RGS17: variants seen among roughly 807,000 people sequenced by gnomAD.
RGS17 encodes regulator of G-protein signaling 17.
A neutral mutation model predicts 25.5 loss-of-function variants in RGS17; 12 were observed. That is an observed-to-expected ratio of 0.47 (90% CI 0.30 to 0.76). The LOEUF (loss-of-function observed/expected upper bound fraction) is 0.76. RGS17 is among the 30% of genes least tolerant of loss of function. The pLI is 0.07. For missense variants in RGS17, 196 were observed against 242.2 expected (o/e 0.81, Z 1.27); for synonymous variants, 71 against 76.9 (o/e 0.92, Z 0.40).
intron 1 of RGS17, among the ~76,000 whole-genome samples, chr6:153,055,816 G>A (rs902066644): frequency 6.6e-6 from 1 of 152,120 alleles, no homozygotes; most frequent in East Asian, 1.9e-4. Flanking sequence ...AAGAAATGAG[G>A]GGAAATTCTG....
rs1779111677 is a variant in RGS17, at chr6:153,009,633, T to A, written c.*1941A>T. ...CTAACACTTTCAGAAAACACAGGCATTTGTTAAAAGAAATGATTATTATAA... is the reference window on the plus strand; with the variant it reads ...CTAACACTTTCAGAAAACACAGGCAATTGTTAAAAGAAATGATTATTATAA... On this transcript the variant is annotated 3_prime_UTR_variant, in exon 5 of 5. Coordinates refer to ENST00000206262, the MANE Select transcript of RGS17 (RefSeq NM_012419.5). 6.6e-6 allele frequency: 1 copy of A among 151,976 alleles called. No homozygotes were observed. Among genetic ancestry groups the A allele is most frequent in the South Asian group, 2.1e-4 (1 of 4,824 alleles). 9.4% of individuals were successfully genotyped at this position (151,976 alleles called of 1,614,324 possible).
At chr6:153,112,797 A>C (rs4470859) in intron 1 of RGS17, among the ~76,000 whole-genome samples, 70,969 of 151,992 alleles carry the variant, frequency 0.47, 17,207 homozygotes, top group East Asian at 0.85. Context: ...CAATTTTCAA[A>C]CCAGAATTTC....
intron 1 of RGS17, among the ~76,000 whole-genome samples, chr6:153,088,695 G>A (rs1777085366): frequency 6.6e-6 from 1 of 151,960 alleles, no homozygotes; most frequent in Non-Finnish European, 1.5e-5. Flanking sequence ...TACTCTTCCT[G>A]GCATGAGAGA....
chr6:153,039,870 G>A (rs779622647), intron 2 of RGS17, among the ~76,000 whole-genome samples: 3 of 152,196 alleles, frequency 2.0e-5, no homozygotes, highest in Non-Finnish European at 4.4e-5. Context: ...CCTGACTGAA[G>A]GCAGTTTGAG....
chr6:153,127,537 C>G (rs934921810), intron 1 of RGS17, among the ~76,000 whole-genome samples: 1 of 152,124 alleles, frequency 6.6e-6, no homozygotes, highest in African/African-American at 2.4e-5. Context: ...AGTAACTTGC[C>G]TACAGCAATA....
intron 1 of RGS17, among the ~76,000 whole-genome samples, chr6:153,056,926 G>A (rs6934238): frequency 0.38 from 57,747 of 150,246 alleles, 11,740 homozygotes; most frequent in East Asian, 0.62. Context: ...TGCAAAATAA[G>A]TATTAATTAT....
chr6:153,059,304 G>C (rs1361794497), intron 1 of RGS17, among the ~76,000 whole-genome samples: 1 of 152,110 alleles, frequency 6.6e-6, no homozygotes, highest in Non-Finnish European at 1.5e-5. Flanking sequence ...TTATTCGACA[G>C]AGCTGTTTGA....
chr6:153,082,174 G>A (rs144670436), intron 1 of RGS17, among the ~76,000 whole-genome samples: 1,720 of 152,176 alleles, frequency 0.011, 42 homozygotes, highest in African/African-American at 0.039. Flanking sequence ...GTTTATTACT[G>A]GCTTTTACTA....
In RGS17 at chr6:153,053,021, G is replaced by C. The variant is rs1338941096; in HGVS notation, c.-25-8978C>G. On this transcript the variant is annotated intron_variant, in intron 1 of 4. Coordinates refer to ENST00000206262, the MANE Select transcript of RGS17 (RefSeq NM_012419.5). The stretch of plus-strand genomic sequence containing the variant: ...CAGAACCCAACCATACTGGCACCTT[G>C]ATCTCAGACTTCAACTTTCAGAGAA... Among the ~76,000 whole-genome samples the C allele has an allele frequency of 3.1e-5, 4 of 127,552 alleles. No homozygotes were observed. In the East Asian group the frequency reaches 1.3e-3, roughly 40 times the overall value. 83.7% of individuals were successfully genotyped at this position (127,552 alleles called of 152,430 possible). A position where few individuals can be genotyped will look rare whatever the true frequency, so the allele number is the denominator to read the frequency against.
intron 1 of RGS17, among the ~76,000 whole-genome samples, chr6:153,074,679 A>G (rs1776851787): frequency 6.6e-6 from 1 of 152,208 alleles, no homozygotes; most frequent in Non-Finnish European, 1.5e-5. Context: ...ACGGTTTATT[A>G]GAAATTCCTT....
chr6:153,027,917 G>T (rs759079078), intron 2 of RGS17, among the ~76,000 whole-genome samples: 9 of 152,142 alleles, frequency 5.9e-5, no homozygotes, highest in Non-Finnish European at 1.2e-4. Context: ...TCTCAATCTG[G>T]AAAGTCTGAT....
chr6:153,035,651 T>A (rs1776231201), intron 2 of RGS17, among the ~76,000 whole-genome samples: 1 of 152,220 alleles, frequency 6.6e-6, no homozygotes, highest in Admixed American at 6.5e-5. Flanking sequence ...GAGGAATTTG[T>A]TAAATATTGT....
chr6:153,057,671 T>C (rs1471465607), intron 1 of RGS17, among the ~76,000 whole-genome samples: 2 of 152,168 alleles, frequency 1.3e-5, no homozygotes, highest in African/African-American at 2.4e-5. Flanking sequence ...TATTATTACA[T>C]TGTAATATAT....
chr6:153,011,483 C>T lies in RGS17; in HGVS notation c.*91G>A, dbSNP rs1779132118. On this transcript the variant is annotated 3_prime_UTR_variant, in exon 5 of 5. Transcript: ENST00000206262. ...TCACAGTAGCCTGAGGAATGCTAAA[C>T]TGTAGTTCTCCAGGAACTCAGTTTC... 1 of 865,236 alleles carries T rather than the reference C, an allele frequency of 1.2e-6. No homozygotes were observed. Among genetic ancestry groups the T allele is most frequent in the Non-Finnish European group, 1.9e-6 (1 of 539,330 alleles). 53.6% of individuals were successfully genotyped at this position (865,236 alleles called of 1,614,324 possible).
At chr6:153,110,125 C>CAT (rs1372747587) in intron 1 of RGS17, among the ~76,000 whole-genome samples, 1 of 152,158 alleles carries the variant, frequency 6.6e-6, no homozygotes, top group African/African-American at 2.4e-5. Flanking sequence ...GGCCAAGAAG[C>CAT]TCCATAGACC....
At position 153,011,728 on chromosome 6, in the gene RGS17, T is replaced by C. The variant is rs1342398230; in HGVS notation, c.479A>G (p.Asn160Ser). The C allele has an allele frequency of 6.8e-6, 11 of 1,612,490 alleles. No individual in the cohort carries two copies. The highest frequency in any genetic ancestry group is 3.3e-5 in the South Asian group (3 of 90,714). ...AGGATTGGGATCCAACAGATTTCTA[T>C]TGATCACCTCTCTAACTCGAGAATC... is the stretch of plus-strand genomic sequence containing the variant. ...SLDSRVREVI[N>S]RNLLDPNPHM... Residue 160 changes from asparagine (N) to serine (S), a missense_variant, in exon 5 of 5, where the codon AAT becomes AGT. Physicochemically the swap from Asn to Ser is conservative, Grantham distance 46 (BLOSUM62 1). Around this residue, in one of 2 missense-constraint regions of RGS17, gnomAD observed 179 missense variants for 197.6 expected, o/e 0.91. Coordinates refer to ENST00000206262, the MANE Select transcript of RGS17 (RefSeq NM_012419.5).
At chr6:153,018,939 T>G (rs1424720570) in intron 4 of RGS17, among the ~76,000 whole-genome samples, 1 of 152,262 alleles carries the variant, frequency 6.6e-6, no homozygotes, top group Non-Finnish European at 1.5e-5. Flanking sequence ...CATATCTACA[T>G]GGACACACAG....
chr6:153,122,628 G>T (rs145795684), intron 1 of RGS17, among the ~76,000 whole-genome samples: 1,747 of 151,846 alleles, frequency 0.012, 41 homozygotes, highest in African/African-American at 0.036. Context: ...AAGACAGTAG[G>T]GTTTTTTGTT....
intron 1 of RGS17, among the ~76,000 whole-genome samples, chr6:153,112,753 AGTGG>A (rs1777492058): frequency 6.6e-6 from 1 of 152,222 alleles, no homozygotes; most frequent in African/African-American, 2.4e-5. Context: ...GCCAGAAGAG[AGTGG>A]GTGCCAATAT....
Sources: gnomAD v4.1 joint callset for allele counts (sites outside exome capture counted in the v4.1 genomes callset) on GRCh38, gnomAD v4.1.1 for gene constraint, gnomAD v4.1.1 regional missense constraint, MANE v1.5 for transcripts, NCBI Gene and HGNC (gene_info 2026-07-23, HGNC 2026-07-21) for gene names.